The following PTPN21 variants were observed in gnomAD, a reference collection of about 807,000 sequenced individuals.
PTPN21 encodes the protein protein tyrosine phosphatase non-receptor type 21, also known as tyrosine-protein phosphatase non-receptor type 21.
PTPN21 carries 77 observed loss-of-function variants against 131.8 expected under a neutral mutation model. That is an observed-to-expected ratio of 0.58 (90% CI 0.49 to 0.71). The LOEUF (loss-of-function observed/expected upper bound fraction) is 0.71. Among genes scored for constraint, PTPN21 ranks in the 30% least tolerant of loss-of-function variants. PTPN21 has a pLI of 0.00. For missense variants in PTPN21, 1,552 were observed against 1,527.1 expected, an observed-to-expected ratio of 1.02 and a Z score of -0.27; for synonymous variants, 715 against 621.3, an observed-to-expected ratio of 1.15 and a Z score of -2.24.
intron 10 of PTPN21, among the ~76,000 whole-genome samples, chr14:88,496,173 G>T (rs978491003): frequency 6.6e-6 from 1 of 152,090 alleles, no homozygotes; most frequent in African/African-American, 2.4e-5. Context: ...ACAAATAAAG[G>T]ATATTATTCC....
At chr14:88,499,412 G>C (rs2077974667) in intron 8 of PTPN21, 1 of 152,326 alleles carries the variant, frequency 6.6e-6, no homozygotes, top group Non-Finnish European at 1.5e-5. Context: ...TAGAAAGCTT[G>C]AGTAGTGTGT....
intron 2 of PTPN21, among the ~76,000 whole-genome samples, chr14:88,548,091 A>T (rs1344747): frequency 0.54 from 81,386 of 151,750 alleles, 24,532 homozygotes; most frequent in Middle Eastern, 0.7. Flanking sequence ...ACCCATGCTA[A>T]CCCTTCTCTA....
rs2077391328 is a variant in PTPN21, at chr14:88,468,006, A to T, written c.*131T>A. 1.7e-6 allele frequency: 2 copies of T among 1,174,466 alleles called. No individual in the cohort carries two copies. The highest frequency in any genetic ancestry group is 2.5e-6 in the Non-Finnish European group (2 of 804,776). The allele number at this position is 1,174,466 out of a possible 1,614,324, so 72.8% of individuals were successfully genotyped here. On this transcript the variant is annotated 3_prime_UTR_variant, in exon 19 of 19. Transcript: ENST00000556564. ...TTTCCTTCAGCGTGCCGCCATTCAG[A>T]CTGCGCCACTTACGTCCCAGTGCCA...
intron 2 of PTPN21, among the ~76,000 whole-genome samples, chr14:88,534,643 G>T (rs2078603989): frequency 6.6e-6 from 1 of 152,136 alleles, no homozygotes; most frequent in South Asian, 2.1e-4. Context: ...GGAGGCCGAG[G>T]TGGGAGGATC....
In PTPN21 at chr14:88,469,258, C is replaced by G. The variant is rs773923297; in HGVS notation, c.3236-182G>C. ...CTGAGCAAGTCACTACCTCTGTCCA[C>G]TTTCTGATCTACAAAATGAAATGAC... is the stretch of plus-strand genomic sequence containing the variant. On this transcript the variant is annotated intron_variant, in intron 17 of 18. Transcript: ENST00000556564. This position sits in a 1 kb window ranked among gnomAD's most constrained non-coding sequence, Gnocchi z 4.3. Among the ~76,000 whole-genome samples, 4 of 152,280 alleles carry G rather than the reference C, an allele frequency of 2.6e-5. No homozygotes were observed. Among genetic ancestry groups the G allele is most frequent in the Non-Finnish European group, 4.4e-5 (3 of 68,030 alleles).
At chr14:88,468,843 T>C in intron 18 of PTPN21, 73 bp downstream of exon 18, 1 of 1,588,218 alleles carries the variant, frequency 6.3e-7, no homozygotes, top group Non-Finnish European at 8.6e-7. Context: ...AAAGAGCTAT[T>C]AAGTCACTAT....
chr14:88,485,991 GGTT>G, intron 10 of PTPN21, 149 bp from the exon 11 acceptor site: 1 of 592,300 alleles, frequency 1.7e-6, no homozygotes, highest in Non-Finnish European at 2.9e-6. Flanking sequence ...AAAGAAGGGA[GGTT>G]CTCTGTCGGC....
chr14:88,492,881 C>G, intron 10 of PTPN21: 1 of 337,330 alleles, frequency 3.0e-6, no homozygotes. Flanking sequence ...CCTTGCCAGA[C>G]AGGGGACACG....
rs556565577 is a variant in PTPN21 at position 88,517,851 on chromosome 14, G to GTA, written c.181-592_181-591dup. On this transcript the variant is annotated intron_variant, in intron 2 of 18. Transcript: ENST00000556564. ...ATAGTGTATATACACTATATATATGGTATATATATGTGTATATGTGTATAT... is the reference window on the plus strand; with the variant it reads ...ATAGTGTATATACACTATATATATGGTATATATATATGTGTATATGTGTATAT... Among the ~76,000 whole-genome samples, 63 of 142,906 alleles carry GTA rather than the reference G, an allele frequency of 4.4e-4. 1 individual carries two copies. In the East Asian group the frequency reaches 9.0e-3, roughly 20 times the overall value. The allele number at this position is 142,906 out of a possible 152,430, so 93.8% of individuals were successfully genotyped here.
At chr14:88,537,623 G>A (rs2078648871) in intron 2 of PTPN21, among the ~76,000 whole-genome samples, 1 of 152,118 alleles carries the variant, frequency 6.6e-6, no homozygotes, top group Non-Finnish European at 1.5e-5. Context: ...GCCAGATACT[G>A]ATAAGTGCTA....
rs147179362 is a variant in PTPN21 at position 88,476,499 on chromosome 14, C to G, written c.2511+2421G>C. Among the ~76,000 whole-genome samples, 778 of 152,246 alleles carry G rather than the reference C, an allele frequency of 5.1e-3. 10 individuals carry two copies. Among genetic ancestry groups the G allele is most frequent in the African/African-American group, 0.018 (750 of 41,552 alleles). On this transcript the variant is annotated intron_variant, in intron 13 of 18. Coordinates refer to ENST00000556564, the MANE Select transcript of PTPN21 (RefSeq NM_007039.4). ...TAATCAGTGTCAAAACAAATAAAAG[C>G]AAATCTTTGGTTAAAATCAGTTACA...
chr14:88,482,022 C>G (rs1225961288), intron 12 of PTPN21, among the ~76,000 whole-genome samples: 1 of 152,240 alleles, frequency 6.6e-6, no homozygotes, highest in Non-Finnish European at 1.5e-5. Flanking sequence ...AGCCCTCCTG[C>G]TAGTACAGTG....
At chr14:88,504,660 T>A (rs1285323819) in intron 5 of PTPN21, among the ~76,000 whole-genome samples, 165 bp from the exon 6 acceptor site, 1 of 151,906 alleles carries the variant, frequency 6.6e-6, no homozygotes, top group East Asian at 1.9e-4. Context: ...TCTAAGGAAT[T>A]AACTGGCTTC....
chr14:88,496,747 T>A (rs1234619918), intron 9 of PTPN21, among the ~76,000 whole-genome samples: 1 of 152,224 alleles, frequency 6.6e-6, no homozygotes, highest in African/African-American at 2.4e-5. Context: ...CTTGGGAATC[T>A]AAAAACTATA....
At position 88,504,713 on chromosome 14, in the gene PTPN21, T is replaced by C. The variant is rs189895703; in HGVS notation, c.517-218A>G. Among the ~76,000 whole-genome samples, 176 of 152,184 alleles carry C rather than the reference T, an allele frequency of 1.2e-3. 4 individuals are homozygous for C. Among genetic ancestry groups the C allele is most frequent in the African/African-American group, 4.0e-3 (166 of 41,514 alleles). Reference sequence around the variant, plus strand: ...AAAAAACTTGCCCCACCTTCTCAATTCCAGGGAAAGTTTCAGCTGAGTTAT... The same window carrying C: ...AAAAAACTTGCCCCACCTTCTCAATCCCAGGGAAAGTTTCAGCTGAGTTAT... On this transcript the variant is annotated intron_variant, in intron 5 of 18. Transcript: ENST00000556564.
chr14:88,492,445 A>T (rs1468561072), intron 10 of PTPN21, among the ~76,000 whole-genome samples: 1 of 152,210 alleles, frequency 6.6e-6, no homozygotes, highest in Non-Finnish European at 1.5e-5. Context: ...ATATTTACAA[A>T]GAAAGCAGGT....
chr14:88,518,280 ACACATACG>A (rs2078317654), intron 2 of PTPN21, among the ~76,000 whole-genome samples: 2 of 108,720 alleles, frequency 1.8e-5, no homozygotes, highest in Non-Finnish European at 3.7e-5. Context: ...ATATACACAC[ACACATACG>A]CACACACACA....
At chr14:88,520,101 A>G (rs1168838357) in intron 2 of PTPN21, among the ~76,000 whole-genome samples, 1 of 152,198 alleles carries the variant, frequency 6.6e-6, no homozygotes, top group East Asian at 1.9e-4. Flanking sequence ...CTCCAAAGTT[A>G]TGCAAGAGAA....
chr14:88,522,845 A>C (rs2078416818), intron 2 of PTPN21, among the ~76,000 whole-genome samples: 1 of 152,182 alleles, frequency 6.6e-6, no homozygotes, highest in East Asian at 1.9e-4. Context: ...ATGAGATTTT[A>C]TGACTACAAT....
Sources: gnomAD v4.1 joint callset for allele counts (sites outside exome capture counted in the v4.1 genomes callset) on GRCh38, gnomAD v4.1.1 for gene constraint, Gnocchi (gnomAD v3.1) non-coding constraint, MANE v1.5 for transcripts, NCBI Gene and HGNC (gene_info 2026-07-23, HGNC 2026-07-21) for gene names.